Variants in SPINK5 observed in about 807,000 individuals in gnomAD.
SPINK5 encodes the protein serine protease inhibitor Kazal-type 5.
SPINK5 carries 125 observed loss-of-function variants against 151.8 expected under a neutral mutation model. The ratio of observed to expected loss-of-function variants is 0.82; its 90% confidence interval spans 0.71 to 0.96. The LOEUF (loss-of-function observed/expected upper bound fraction) is 0.96. Among genes scored for constraint, SPINK5 ranks in the 40% least tolerant of loss-of-function variants. The pLI is 0.00. For missense variants in SPINK5, 1,194 were observed against 1,291.9 expected, an observed-to-expected ratio of 0.92 and a Z score of 1.16; for synonymous variants, 374 against 395.3, an observed-to-expected ratio of 0.95 and a Z score of 0.64.
At chr5:148,123,126 A>T (rs951304489) in intron 26 of SPINK5, among the ~76,000 whole-genome samples, 3 of 151,512 alleles carry the variant, frequency 2.0e-5, no homozygotes, top group Non-Finnish European at 4.4e-5. Flanking sequence ...ATGCGAGAGG[A>T]TCACTTGAGG....
At position 148,137,031 on chromosome 5, in the gene SPINK5, C is replaced by G; in HGVS notation, c.*40C>G. On this transcript the variant is annotated 3_prime_UTR_variant, in exon 33 of 33. Transcript: ENST00000256084. ...AAAGCCATGAGGGAAAAAATAAACC[C>G]CAGTTCTGAATCACCTACCTTCACC... The G allele has an allele frequency of 6.2e-7, 1 of 1,612,792 alleles. No individual in the cohort carries two copies. The highest frequency in any genetic ancestry group is 2.2e-5 in the East Asian group (1 of 44,828).
intron 24 of SPINK5, among the ~76,000 whole-genome samples, chr5:148,119,694 TCTTTA>T (rs1431823794): frequency 6.6e-6 from 1 of 152,244 alleles, no homozygotes; most frequent in African/African-American, 2.4e-5. Flanking sequence ...GCTGCCTCTC[TCTTTA>T]ATGAGTAAGA....
intron 29 of SPINK5, among the ~76,000 whole-genome samples, chr5:148,126,296 T>G (rs1365165661): frequency 7.2e-6 from 1 of 139,484 alleles, no homozygotes. Context: ...TGGAGACCAA[T>G]GGACATTATA....
chr5:148,127,410 T>C (rs901613858), intron 30 of SPINK5, among the ~76,000 whole-genome samples: 3 of 152,200 alleles, frequency 2.0e-5, no homozygotes, highest in Admixed American at 6.5e-5. Context: ...AGCATACCTC[T>C]TGGTATTCTT....
chr5:148,116,715 A>G (rs1754103235), intron 22 of SPINK5, among the ~76,000 whole-genome samples: 1 of 152,198 alleles, frequency 6.6e-6, no homozygotes, highest in Admixed American at 6.5e-5. Context: ...AGCCCTCTTT[A>G]TGGTAATCTA....
At chr5:148,091,122 T>C (rs1372297737) in intron 7 of SPINK5, 43 bp from the exon 8 acceptor site, 21 of 1,541,050 alleles carry the variant, frequency 1.4e-5, no homozygotes, top group Non-Finnish European at 1.9e-5. Flanking sequence ...ACTGAAAATA[T>C]GATTGAGTCA....
intron 4 of SPINK5, among the ~76,000 whole-genome samples, chr5:148,074,314 A>G (rs1752825754): frequency 6.6e-6 from 1 of 151,878 alleles, no homozygotes; most frequent in Non-Finnish European, 1.5e-5. Flanking sequence ...TCTTGTTGGT[A>G]CTGCCTCCAA....
At chr5:148,100,019 C>A (rs1370096670) in intron 12 of SPINK5, among the ~76,000 whole-genome samples, 1 of 152,024 alleles carries the variant, frequency 6.6e-6, no homozygotes, top group Admixed American at 6.6e-5. Flanking sequence ...TGTTTTTCAG[C>A]TAGTTTTATT....
At position 148,101,902 on chromosome 5, in the gene SPINK5, C is replaced by A. The variant is rs770900480; in HGVS notation, c.1424C>A (p.Ala475Asp). ...GGCAACACCTGCTCCATGTGTGAGG[C>A]CTTCTTGTGAGTAGAGCAGTAGCCC... Reference protein sequence around the residue: ...MHGNTCSMCEAFFQQEERARA... With the variant: ...MHGNTCSMCEDFFQQEERARA... Residue 475 changes from alanine (A) to aspartate (D), a missense_variant, in exon 15 of 33, where the codon GCC (alanine) becomes GAC (aspartate). Transcript: ENST00000256084. The A allele has an allele frequency of 1.9e-6, 3 of 1,613,514 alleles. No individual in the cohort carries two copies. In the East Asian group the frequency reaches 6.7e-5, roughly 36 times the overall value.
chr5:148,108,810 T>C lies in SPINK5; in HGVS notation c.1665T>C (p.Ala555=), dbSNP rs752293924. 13 of 1,612,130 alleles carry C rather than the reference T, an allele frequency of 8.1e-6. No homozygotes were observed. The African/African-American group carries it at 1.6e-4, about 20-fold the overall frequency. The part of the protein sequence containing the change: ...NDKEEKGKVE[A]EKVKREAVQE... ...AAGAAGAAAAAGGGAAAGTCGAGGC[T>C]GAAAAAGTTAAGAGAGAAGCAGTTC... The change falls in exon 18 of 33, where the codon GCT becomes GCC. Residue 555 remains alanine, a synonymous_variant. Coordinates refer to ENST00000256084, the MANE Select transcript of SPINK5 (RefSeq NM_006846.4).
chr5:148,131,473 A>G, intron 31 of SPINK5, 84 bp downstream of exon 31: 1 of 1,580,134 alleles, frequency 6.3e-7, no homozygotes, highest in Non-Finnish European at 8.7e-7. Flanking sequence ...CACTGATATA[A>G]ATTCGAAATG....
chr5:148,130,468 T>G (rs1754542942), intron 30 of SPINK5, among the ~76,000 whole-genome samples: 1 of 152,108 alleles, frequency 6.6e-6, no homozygotes, highest in South Asian at 2.1e-4. Flanking sequence ...TCATCCTATT[T>G]GCTTTTGAAT....
intron 4 of SPINK5, among the ~76,000 whole-genome samples, chr5:148,081,600 T>C (rs1177108355): frequency 6.6e-6 from 1 of 151,544 alleles, no homozygotes; most frequent in East Asian, 2.0e-4. Context: ...TAATGATTGC[T>C]TGAAGCTGGA....
At chr5:148,115,688 A>G (rs1754067556) in intron 21 of SPINK5, among the ~76,000 whole-genome samples, 1 of 152,122 alleles carries the variant, frequency 6.6e-6, no homozygotes, top group Admixed American at 6.5e-5. Flanking sequence ...GAAAGGTAGA[A>G]AATCCAGGAG....
chr5:148,113,073 C>T (rs1174055989), intron 20 of SPINK5, 139 bp downstream of exon 20: 3 of 1,369,452 alleles, frequency 2.2e-6, no homozygotes, highest in Non-Finnish European at 3.0e-6. Context: ...GAAACTTTTT[C>T]TTAACAGAAC....
At chr5:148,094,232 C>T (rs1753392361) in intron 8 of SPINK5, 122 bp from the exon 9 acceptor site, 1 of 1,076,658 alleles carries the variant, frequency 9.3e-7, no homozygotes, top group African/African-American at 1.6e-5. Flanking sequence ...AGGTTAGAGG[C>T]TTCACTGAGC....
In SPINK5 at chr5:148,125,846, G is replaced by A. The variant is rs773604007; in HGVS notation, c.2863G>A (p.Val955Ile). ...AAACAAGTGCTACATGTGCAGAGCT[G>A]TCTTGTGAGTAAGAGGATTCTGCTC... ...YTNKCYMCRA[V>I]FLTEALERAK... is the part of the protein sequence containing the mutation. Residue 955 changes from valine to isoleucine, a missense_variant, in exon 29 of 33, where the codon GTC becomes ATC. By Grantham distance (29) the Val-to-Ile change is conservative. Coordinates refer to ENST00000256084, the MANE Select transcript of SPINK5 (RefSeq NM_006846.4). The A allele has an allele frequency of 2.5e-6, 4 of 1,614,206 alleles. No homozygotes were observed. Among genetic ancestry groups the A allele is most frequent in the East Asian group, 2.2e-5 (1 of 44,886 alleles).
intron 22 of SPINK5, 43 bp from the exon 23 acceptor site, chr5:148,118,394 A>G: frequency 6.2e-7 from 1 of 1,613,172 alleles, no homozygotes; most frequent in Middle Eastern, 1.7e-4. Context: ...AGAATACAGT[A>G]GACTAAGTAA....
rs1754419834 is a variant in SPINK5, at chr5:148,125,914, C to T, written c.2867+64C>T. 4.4e-6 allele frequency: 7 copies of T among 1,607,162 alleles called. No homozygotes were observed. In the East Asian group the frequency reaches 1.6e-4, roughly 36 times the overall value. ...GGAACTGCATTTTTAGAAACTGCTG[C>T]TTGAATAAGTTTGTATATTTATGAA... On this transcript the variant is annotated intron_variant, in intron 29 of 32. Transcript: ENST00000256084.
Sources: gnomAD v4.1 joint callset for allele counts (sites outside exome capture counted in the v4.1 genomes callset) on GRCh38, gnomAD v4.1.1 for gene constraint, MANE v1.5 for transcripts, NCBI Gene and HGNC (gene_info 2026-07-23, HGNC 2026-07-21) for gene names.